The following AMBN variants were observed in gnomAD, a reference collection of about 807,000 sequenced individuals.
The protein encoded by AMBN is enamel matrix protein.
A neutral mutation model predicts 48.0 loss-of-function variants in AMBN; 54 were observed. The ratio of observed to expected loss-of-function variants is 1.12; its 90% CI spans 0.90 to 1.41. The LOEUF is 1.41. AMBN is among the 40% of genes most tolerant of loss of function. AMBN has a pLI of 0.00. For synonymous variants in AMBN, 186 were observed against 190.0 expected, an observed-to-expected ratio of 0.98 and a Z score of 0.17; for missense variants, 571 against 547.3, an observed-to-expected ratio of 1.04 and a Z score of -0.43.
chr4:70,602,954 T>A lies in AMBN; in HGVS notation c.610-18T>A. ...TTCCTTTTTTGACTGATAATTTTAA[T>A]ATTTATCTGTAATATAGCTCCCAGG... On this transcript the variant is annotated intron_variant, in intron 8 of 12. Coordinates refer to ENST00000322937, the MANE Select transcript of AMBN (RefSeq NM_016519.6). 1 of 1,589,490 alleles carries A rather than the reference T, an allele frequency of 6.3e-7. No individual in the cohort carries two copies. Among genetic ancestry groups the A allele is most frequent in the Non-Finnish European group, 8.6e-7 (1 of 1,166,632 alleles).
chr4:70,595,453 G>A (rs1261236509), intron 2 of AMBN, among the ~76,000 whole-genome samples: 1 of 151,894 alleles, frequency 6.6e-6, no homozygotes, highest in East Asian at 1.9e-4. Context: ...CCAAAGTTCC[G>A]GGATTAGTCT....
chr4:70,598,572 C>T (rs1424349966), intron 4 of AMBN, among the ~76,000 whole-genome samples, 169 bp downstream of exon 4: 1 of 152,016 alleles, frequency 6.6e-6, no homozygotes, highest in Admixed American at 6.6e-5. Context: ...CAGGGAAAAA[C>T]AAAAACAATA....
chr4:70,594,402 T>C (rs999825395), intron 2 of AMBN, among the ~76,000 whole-genome samples: 2 of 152,204 alleles, frequency 1.3e-5, no homozygotes, highest in Non-Finnish European at 2.9e-5. Context: ...TTAGCAAATA[T>C]GTTGAGCAGC....
intron 7 of AMBN, 44 bp downstream of exon 7, chr4:70,602,706 T>G (rs1445027307): frequency 3.9e-6 from 6 of 1,523,928 alleles, no homozygotes; most frequent in Non-Finnish European, 3.5e-6. Flanking sequence ...TTTTATTTTT[T>G]AATTTTTATT....
rs1215625919 is a variant in AMBN at position 70,593,336 on chromosome 4, T to G, written c.25T>G (p.Phe9Val). The G allele has an allele frequency of 2.5e-6, 4 of 1,608,536 alleles. No individual in the cohort carries two copies. Among genetic ancestry groups the G allele is most frequent in the Non-Finnish European group, 3.4e-6 (4 of 1,176,498 alleles). ...CTTAATTATGTTTTAGATTCCACTT[T>G]TCAAAATGAAGGACCTGATACTGAT... MSASKIPL[F>V]KMKDLILILC... The change falls in exon 2 of 13, where the codon TTC becomes GTC. Residue 9 changes from phenylalanine (F) to valine (V), a missense_variant. Transcript: ENST00000322937.
chr4:70,606,124 C>G lies in AMBN; in HGVS notation c.799-61C>G, dbSNP rs1445860895. On this transcript the variant is annotated intron_variant, in intron 12 of 12. Coordinates refer to ENST00000322937, the MANE Select transcript of AMBN (RefSeq NM_016519.6). The stretch of plus-strand genomic sequence containing the variant: ...CCTTGGTGAATGTGACCAGGTATAG[C>G]TGCATGGTATAGTTAATAGCATGTG... 2.6e-6 allele frequency: 4 copies of G among 1,560,546 alleles called. No individual in the cohort carries two copies. The African/African-American group carries it at 5.4e-5, about 21-fold the overall frequency.
chr4:70,602,798 C>T lies in AMBN; in HGVS notation c.571C>T (p.Leu191Phe). The T allele has an allele frequency of 6.3e-7, 1 of 1,585,826 alleles. No homozygotes were observed. Among genetic ancestry groups the T allele is most frequent in the Middle Eastern group, 1.7e-4 (1 of 5,862 alleles). Residue 191 changes from leucine (L) to phenylalanine (F), a missense_variant and splice_region_variant, in exon 8 of 13, where the codon CTC becomes TTC. By Grantham distance (22) the Leu-to-Phe change is conservative. Coordinates refer to ENST00000322937, the MANE Select transcript of AMBN (RefSeq NM_016519.6). ...VDFADPQGPS[L>F]PGMDFPDPQG... is the part of the protein sequence containing the mutation. ...ATTTTAATATTTATCTACAATATAG[C>T]TCCCAGGAATGGATTTTCCTGATCC...
At chr4:70,604,891 G>A (rs938700889) in intron 12 of AMBN, among the ~76,000 whole-genome samples, 3 of 152,078 alleles carry the variant, frequency 2.0e-5, no homozygotes, top group Non-Finnish European at 4.4e-5. Flanking sequence ...TACTCAGGAG[G>A]CTGAGGCAGG....
Position 70,593,465 on chromosome 4 carries a change from A to T in AMBN, c.84+70A>T, listed in dbSNP as rs1227883482. The T allele has an allele frequency of 2.3e-6, 3 of 1,317,414 alleles. No homozygotes were observed. In the East Asian group the frequency reaches 6.9e-5, roughly 30 times the overall value. 81.6% of individuals were successfully genotyped at this position (1,317,414 alleles called of 1,614,324 possible). On this transcript the variant is annotated intron_variant, in intron 2 of 12. Coordinates refer to ENST00000322937, the MANE Select transcript of AMBN (RefSeq NM_016519.6). ...TCGAACTCCAAACAACACTGAAGGG[A>T]TATGGACTGAGAGTCCACGCATAGA...
intron 5 of AMBN, 60 bp from the exon 6 acceptor site, chr4:70,601,358 C>G (rs1577955950): frequency 1.9e-6 from 3 of 1,545,496 alleles, no homozygotes; most frequent in Non-Finnish European, 1.8e-6. Context: ...TTTAGAAATT[C>G]TAGGCACCGT....
At chr4:70,593,888 G>A (rs1199470205) in intron 2 of AMBN, among the ~76,000 whole-genome samples, 6 of 148,800 alleles carry the variant, frequency 4.0e-5, no homozygotes, top group African/African-American at 1.5e-4. Flanking sequence ...AAAGCAGTAA[G>A]TGAAGTATGA....
At chr4:70,600,558 C>T (rs534252995) in intron 5 of AMBN, among the ~76,000 whole-genome samples, 4 of 152,204 alleles carry the variant, frequency 2.6e-5, no homozygotes, top group East Asian at 1.9e-4. Context: ...ATGAATACTG[C>T]GTGAGCTCAG....
In AMBN at chr4:70,603,011, G is replaced by C; in HGVS notation, c.648+1G>C. The C allele has an allele frequency of 6.2e-7, 1 of 1,605,276 alleles. No homozygotes were observed. Among genetic ancestry groups the C allele is most frequent in the Non-Finnish European group, 8.5e-7 (1 of 1,176,656 alleles). On this transcript the variant is annotated splice_donor_variant, in intron 9 of 12. Coordinates refer to ENST00000322937, the MANE Select transcript of AMBN (RefSeq NM_016519.6). LOFTEE classifies it high-confidence loss of function. ...TTTTGCTGATCCACAAGGTTCAACA[G>C]TAAGTACAGATCTCAATGAGACACT...
chr4:70,605,963 C>A (rs558957844), intron 12 of AMBN, among the ~76,000 whole-genome samples: 3 of 150,224 alleles, frequency 2.0e-5, no homozygotes, highest in Non-Finnish European at 4.4e-5. Flanking sequence ...CTCCCTTTTA[C>A]GGAAATCATG....
At chr4:70,593,991 A>C (rs1404689134) in intron 2 of AMBN, among the ~76,000 whole-genome samples, 1 of 152,192 alleles carries the variant, frequency 6.6e-6, no homozygotes, top group Non-Finnish European at 1.5e-5. Flanking sequence ...TAGTCTCCAC[A>C]ATGCATGGCG....
intron 12 of AMBN, 130 bp from the exon 13 acceptor site, chr4:70,606,055 T>C (rs921872062): frequency 6.7e-6 from 7 of 1,038,374 alleles, no homozygotes; most frequent in Middle Eastern, 6.3e-4. Context: ...TACACAAAGC[T>C]ATCAATCAGC....
Position 70,601,398 on chromosome 4 carries a change from CTT to C in AMBN, c.295-17_295-16del, listed in dbSNP as rs764337538. On this transcript the variant is annotated intron_variant, in intron 5 of 12. Transcript: ENST00000322937. ...TAATGAGCCATCCCTTCCTAACACT[CTT>C]TTCAAATTTCTCTGCAGTATGAATA... The C allele has an allele frequency of 2.5e-6, 4 of 1,611,126 alleles. No homozygotes were observed. Among genetic ancestry groups the C allele is most frequent in the Admixed American group, 3.3e-5 (2 of 60,010 alleles).
intron 6 of AMBN, among the ~76,000 whole-genome samples, chr4:70,602,355 G>A (rs1176969300): frequency 6.6e-6 from 1 of 152,198 alleles, no homozygotes; most frequent in Non-Finnish European, 1.5e-5. Flanking sequence ...TAATCTGCAA[G>A]AGATAGCAAA....
intron 2 of AMBN, among the ~76,000 whole-genome samples, chr4:70,594,836 A>G (rs1173401788): frequency 1.3e-5 from 2 of 152,196 alleles, no homozygotes; most frequent in Non-Finnish European, 2.9e-5. Context: ...GGAACAGAAC[A>G]ATTGCTTATT....
Sources: allele counts gnomAD v4.1 joint callset (sites outside exome capture counted in the v4.1 genomes callset), GRCh38; gene constraint gnomAD v4.1.1; transcripts MANE v1.5; gene names NCBI Gene and HGNC (gene_info 2026-07-23, HGNC 2026-07-21).